The following ZP3 variants were observed in gnomAD, a reference collection of about 807,000 sequenced individuals.
ZP3 encodes zona pellucida glycoprotein 3.
In ZP3, 21 loss-of-function variants were observed where a neutral mutation model predicts 35.6. That is an observed-to-expected ratio of 0.59 (90% CI 0.42 to 0.85). ZP3 has a LOEUF of 0.85. Among genes scored for constraint, ZP3 ranks in the 40% least tolerant of loss-of-function variants. The pLI is 0.00. For missense variants in ZP3, 437 were observed against 536.5 expected (o/e 0.81, Z 1.83); for synonymous variants, 207 against 214.5 (o/e 0.96, Z 0.31).
intron 1 of ZP3, among the ~76,000 whole-genome samples, chr7:76,426,052 C>G (rs1805640632): frequency 6.8e-6 from 1 of 148,034 alleles, no homozygotes; most frequent in Non-Finnish European, 1.5e-5. Context: ...CACTGCACTC[C>G]AGCCTAGGCA....
At chr7:76,405,477 A>G (rs1968108) in intron 1 of ZP3, among the ~76,000 whole-genome samples, 69,756 of 146,768 alleles carry the variant, frequency 0.48, 17,225 homozygotes, top group African/African-American at 0.59. Context: ...CCACCGTGCC[A>G]GCCCAGAACA....
chr7:76,429,376 G>C (rs919488162), intron 1 of ZP3, 139 bp from the exon 2 acceptor site: 7 of 764,368 alleles, frequency 9.2e-6, no homozygotes, highest in Non-Finnish European at 1.6e-5. Flanking sequence ...GGGGTTACAG[G>C]CATGAGTCAC....
At chr7:76,398,078 T>G (rs1028271638) in intron 1 of ZP3, among the ~76,000 whole-genome samples, 2 of 152,124 alleles carry the variant, frequency 1.3e-5, no homozygotes, top group Non-Finnish European at 2.9e-5. Flanking sequence ...TGCCTTCTCA[T>G]CTACTGCAAA....
chr7:76,419,427 C>T (rs1425120617), intron 1 of ZP3, among the ~76,000 whole-genome samples: 1 of 152,136 alleles, frequency 6.6e-6, no homozygotes, highest in African/African-American at 2.4e-5. Context: ...CTTGAAGAGT[C>T]CATCTGTTTC....
upstream of ZP3, chr7:76,424,918 C>T (rs1461041648): frequency 2.4e-5 from 35 of 1,461,060 alleles, no homozygotes; most frequent in Middle Eastern, 1.8e-4. Flanking sequence ...CAGCATCCCA[C>T]GGGTATAAGA....
At chr7:76,411,857 C>T (rs981103463) in intron 1 of ZP3, among the ~76,000 whole-genome samples, 1 of 152,146 alleles carries the variant, frequency 6.6e-6, no homozygotes, top group Admixed American at 6.6e-5. Flanking sequence ...TGTGAATGCT[C>T]ATAGCAGTTT....
chr7:76,435,161 A>G (rs1218333715), intron 5 of ZP3, among the ~76,000 whole-genome samples: 1 of 152,118 alleles, frequency 6.6e-6, no homozygotes, highest in Admixed American at 6.5e-5. Context: ...CCTGGTTAAC[A>G]CGGTGAAACC....
At chr7:76,397,809 C>G (rs778507697) in intron 1 of ZP3, 3 of 1,594,716 alleles carry the variant, frequency 1.9e-6, no homozygotes, top group Non-Finnish European at 2.6e-6. Context: ...TTCGCGCCCC[C>G]TACCAGGCGT....
chr7:76,422,133 G>A (rs189530557), upstream of ZP3, among the ~76,000 whole-genome samples: 769 of 152,014 alleles, frequency 5.1e-3, 2 homozygotes, highest in Middle Eastern at 0.017. Flanking sequence ...CTGACCTCAG[G>A]TGATCCGCCC....
At chr7:76,418,340 C>T (rs531926035) in intron 1 of ZP3, among the ~76,000 whole-genome samples, 1 of 151,988 alleles carries the variant, frequency 6.6e-6, no homozygotes, top group African/African-American at 2.4e-5. Context: ...CACTTGAGGT[C>T]AGGAGATCGA....
chr7:76,429,764 T>TG, intron 2 of ZP3, 131 bp downstream of exon 2: 1 of 795,532 alleles, frequency 1.3e-6, no homozygotes, highest in South Asian at 1.6e-5. Flanking sequence ...TTTGCAGCTG[T>TG]GGTTACTGTA....
chr7:76,426,023 C>T (rs1805639819), intron 1 of ZP3, among the ~76,000 whole-genome samples: 1 of 149,708 alleles, frequency 6.7e-6, no homozygotes. Context: ...GCAAAGGTTG[C>T]AGTGAGCTGA....
intron 3 of ZP3, among the ~76,000 whole-genome samples, 167 bp downstream of exon 3, chr7:76,433,197 A>T (rs1805887751): frequency 8.3e-6 from 1 of 120,898 alleles, no homozygotes; most frequent in African/African-American, 2.9e-5. Context: ...TCTGACCTCC[A>T]GGCTGGAGTG....
chr7:76,426,725 T>C (rs1195721059), intron 1 of ZP3, among the ~76,000 whole-genome samples: 1 of 151,986 alleles, frequency 6.6e-6, no homozygotes, highest in Non-Finnish European at 1.5e-5. Flanking sequence ...TTTTGTTTTT[T>C]GAGACAGTTT....
chr7:76,406,403 G>A (rs1362889461), intron 1 of ZP3, among the ~76,000 whole-genome samples: 1 of 152,072 alleles, frequency 6.6e-6, no homozygotes, highest in East Asian at 1.9e-4. Context: ...TTCTAAAAAG[G>A]ACTCTGGTTT....
chr7:76,432,025 GT>G (rs544659328), intron 2 of ZP3, among the ~76,000 whole-genome samples: 2 of 143,106 alleles, frequency 1.4e-5, no homozygotes, highest in East Asian at 2.1e-4. Flanking sequence ...GTGGCTTTTG[GT>G]TTTTTGTTTA....
intron 1 of ZP3, among the ~76,000 whole-genome samples, chr7:76,408,581 A>G (rs2115825134): frequency 6.6e-6 from 1 of 151,836 alleles, no homozygotes; most frequent in East Asian, 1.9e-4. Flanking sequence ...CAGCTTCCCC[A>G]CCTCTATCCC....
upstream of ZP3, among the ~76,000 whole-genome samples, chr7:76,423,075 GAAAGAAAGA>G (rs1395893826): frequency 2.2e-3 from 317 of 141,260 alleles, 9 homozygotes; most frequent in South Asian, 0.012. Flanking sequence ...AAGAAAGAAA[GAAAGAAAGA>G]AAAGAAATTG....
chr7:76,423,028 A>AG (rs1491359878), upstream of ZP3, among the ~76,000 whole-genome samples: 9,507 of 58,124 alleles, frequency 0.16, 608 homozygotes, highest in East Asian at 0.21. Context: ...AGAGAGAGAG[A>AG]AAGAAAGAAA....
Sources: allele counts gnomAD v4.1 joint callset (sites outside exome capture counted in the v4.1 genomes callset), GRCh38; gene constraint gnomAD v4.1.1; transcripts MANE v1.5; gene names NCBI Gene and HGNC (gene_info 2026-07-23, HGNC 2026-07-21).